Variants in EYA4 observed in about 807,000 individuals in gnomAD.
EYA4 encodes protein phosphatase EYA4.
Under a neutral mutation model 87.9 loss-of-function variants are expected in EYA4, and 31 were observed. The ratio of observed to expected loss-of-function variants is 0.35; its 90% CI spans 0.27 to 0.48. EYA4 has a LOEUF of 0.48. Ranked by LOEUF, EYA4 falls within the 20% of genes least tolerant of loss-of-function variation. The probability of loss-of-function intolerance (pLI) is 0.99; values close to 1 mark genes in which losing one functional copy is unlikely to be tolerated. For missense variants in EYA4, 678 were observed against 761.4 expected (o/e 0.89, Z 1.29); for synonymous variants, 263 against 270.6 (o/e 0.97, Z 0.28).
At chr6:133,519,838 A>C (rs988367947) in intron 17 of EYA4, among the ~76,000 whole-genome samples, 1 of 150,210 alleles carries the variant, frequency 6.7e-6, no homozygotes, top group Admixed American at 6.6e-5. Flanking sequence ...AGGCTGGTTC[A>C]ATATATGCAA....
At chr6:133,524,150 G>A (rs1800424600) in intron 18 of EYA4, among the ~76,000 whole-genome samples, 1 of 152,114 alleles carries the variant, frequency 6.6e-6, no homozygotes, top group Non-Finnish European at 1.5e-5. Flanking sequence ...TAATCTAAAT[G>A]TGTGTATTTA....
intron 3 of EYA4, among the ~76,000 whole-genome samples, chr6:133,444,189 T>G (rs879827949): frequency 2.0e-5 from 3 of 152,198 alleles, no homozygotes; most frequent in Non-Finnish European, 2.9e-5. Context: ...ATTCTGTCAG[T>G]TTTTGCTTCA....
intron 3 of EYA4, among the ~76,000 whole-genome samples, chr6:133,442,724 G>T (rs1377367971): frequency 6.6e-6 from 1 of 152,136 alleles, no homozygotes. Context: ...AGGAAAAGCA[G>T]ATGTCTTTGG....
chr6:133,409,041 T>A (rs1471917801), intron 3 of EYA4, among the ~76,000 whole-genome samples: 1 of 152,186 alleles, frequency 6.6e-6, no homozygotes, highest in Non-Finnish European at 1.5e-5. Context: ...GACTCAGTGG[T>A]CCATAGGTCA....
intron 3 of EYA4, among the ~76,000 whole-genome samples, chr6:133,391,107 G>C (rs1050240555): frequency 6.6e-6 from 1 of 152,104 alleles, no homozygotes; most frequent in Non-Finnish European, 1.5e-5. Context: ...CTTGTGGCTG[G>C]TTTAGCTTGC....
intron 2 of EYA4, among the ~76,000 whole-genome samples, chr6:133,334,451 A>G (rs1289340922): frequency 2.6e-5 from 4 of 152,180 alleles, no homozygotes; most frequent in South Asian, 4.1e-4. Flanking sequence ...AGACTGTCAC[A>G]GTAGGATTTT....
At chr6:133,400,697 T>A (rs933603755) in intron 3 of EYA4, among the ~76,000 whole-genome samples, 35 of 146,888 alleles carry the variant, frequency 2.4e-4, no homozygotes, top group African/African-American at 8.4e-4. Context: ...TTATTATTGA[T>A]TACCTTATTT....
chr6:133,491,901 G>A (rs972149315), intron 13 of EYA4, among the ~76,000 whole-genome samples: 2 of 142,658 alleles, frequency 1.4e-5, no homozygotes, highest in African/African-American at 5.4e-5. Flanking sequence ...GCAGTGAGCC[G>A]AGTTAGCACC....
chr6:133,320,719 C>T (rs1415346307), intron 2 of EYA4, among the ~76,000 whole-genome samples: 1 of 152,062 alleles, frequency 6.6e-6, no homozygotes, highest in Non-Finnish European at 1.5e-5. Flanking sequence ...CTATTAATTT[C>T]ATCTTTATGT....
At chr6:133,271,602 C>T (rs900773704) in intron 1 of EYA4, among the ~76,000 whole-genome samples, 8 of 152,158 alleles carry the variant, frequency 5.3e-5, no homozygotes, top group African/African-American at 1.7e-4. Context: ...CTGATCACCC[C>T]GAGGAATGGT....
intron 1 of EYA4, among the ~76,000 whole-genome samples, chr6:133,273,931 G>T (rs981946980): frequency 6.6e-6 from 1 of 152,030 alleles, no homozygotes; most frequent in Non-Finnish European, 1.5e-5. Context: ...GCGTGTATGT[G>T]TTTTAAAAGA....
At chr6:133,299,935 C>CTATATA (rs1357039171) in intron 2 of EYA4, among the ~76,000 whole-genome samples, 18 of 125,234 alleles carry the variant, frequency 1.4e-4, no homozygotes, top group Admixed American at 3.8e-4. Context: ...CTCTATCTAT[C>CTATATA]TATCTATCTA....
intron 11 of EYA4, among the ~76,000 whole-genome samples, chr6:133,478,147 A>G (rs1354059878): frequency 1.3e-5 from 2 of 152,150 alleles, no homozygotes. Context: ...CATTGTGGTA[A>G]GAGTAAATTA....
chr6:133,364,567 G>C (rs920248688), intron 2 of EYA4, among the ~76,000 whole-genome samples: 1 of 152,240 alleles, frequency 6.6e-6, no homozygotes, highest in Non-Finnish European at 1.5e-5. Flanking sequence ...TGTATGTACA[G>C]GGAGTTACTT....
chr6:133,404,752 A>G (rs1474439920), intron 3 of EYA4, among the ~76,000 whole-genome samples: 1 of 152,172 alleles, frequency 6.6e-6, no homozygotes, highest in African/African-American at 2.4e-5. Context: ...TACGACTTTC[A>G]TTGAGTTTCG....
intron 2 of EYA4, among the ~76,000 whole-genome samples, chr6:133,299,927 C>CTATATATATATATA (rs1562263780): frequency 1.3e-5 from 1 of 76,138 alleles, no homozygotes; most frequent in African/African-American, 7.0e-5. Context: ...ATAAAGATCT[C>CTATATATATATATA]TATCTATCTA....
At chr6:133,359,454 A>G (rs192696098) in intron 2 of EYA4, among the ~76,000 whole-genome samples, 4 of 152,330 alleles carry the variant, frequency 2.6e-5, no homozygotes, top group African/African-American at 9.6e-5. Flanking sequence ...TGTCTGAATC[A>G]TAGTTTTTCT....
chr6:133,286,049 G>A (rs1019454579), intron 2 of EYA4, among the ~76,000 whole-genome samples: 9 of 152,286 alleles, frequency 5.9e-5, no homozygotes, highest in East Asian at 5.8e-4. Context: ...GTGCTGGCCT[G>A]TGAAATGTAA....
intron 2 of EYA4, among the ~76,000 whole-genome samples, chr6:133,346,408 A>G (rs1233226670): frequency 6.6e-6 from 1 of 152,180 alleles, no homozygotes; most frequent in Non-Finnish European, 1.5e-5. Context: ...CTGATGAACA[A>G]ACCTTCTTAA....
Sources: allele counts gnomAD v4.1 joint callset (sites outside exome capture counted in the v4.1 genomes callset), GRCh38; gene constraint gnomAD v4.1.1; transcripts MANE v1.5; gene names NCBI Gene and HGNC (gene_info 2026-07-23, HGNC 2026-07-21).